The following ZDHHC11B variants were observed in gnomAD, a reference collection of about 807,000 sequenced individuals.
ZDHHC11B encodes probable palmitoyltransferase ZDHHC11B.
Under a neutral mutation model 42.3 loss-of-function variants are expected in ZDHHC11B, and 17 were observed. The observed-to-expected ratio is 0.40, with a 90% CI of 0.27 to 0.60. The LOEUF is 0.60. Among genes scored for constraint, ZDHHC11B ranks in the 20% least tolerant of loss-of-function variants. The probability of loss-of-function intolerance (pLI) is 0.41; values close to 1 mark genes in which losing one functional copy is unlikely to be tolerated. For missense variants in ZDHHC11B, 262 were observed against 463.2 expected, an observed-to-expected ratio of 0.57 and a Z score of 3.99; for synonymous variants, 123 against 193.5, an observed-to-expected ratio of 0.64 and a Z score of 3.02.
chr5:715,776 C>A (rs1212669404), intron 13 of ZDHHC11B, among the ~76,000 whole-genome samples: 1 of 151,430 alleles, frequency 6.6e-6, no homozygotes, highest in African/African-American at 2.4e-5. Flanking sequence ...TACACAGAAC[C>A]ATGAGTCCTG....
chr5:737,173 C>T (rs568063144), intron 10 of ZDHHC11B, among the ~76,000 whole-genome samples: 4 of 148,916 alleles, frequency 2.7e-5, no homozygotes, highest in South Asian at 4.5e-4. Flanking sequence ...CATTTAAGGC[C>T]AATATGAACA....
intron 12 of ZDHHC11B, among the ~76,000 whole-genome samples, chr5:727,278 G>C (rs1191831903): frequency 7.8e-6 from 1 of 128,414 alleles, no homozygotes; most frequent in Non-Finnish European, 1.8e-5. Flanking sequence ...AGCAAGGCAG[G>C]AACTTCCATC....
chr5:737,634 A>G (rs1193385887), intron 10 of ZDHHC11B, among the ~76,000 whole-genome samples: 1 of 149,734 alleles, frequency 6.7e-6, no homozygotes, highest in Non-Finnish European at 1.5e-5. Flanking sequence ...CCACGTATGC[A>G]GGAATGGTTT....
intron 1 of ZDHHC11B, among the ~76,000 whole-genome samples, chr5:772,980 G>A (rs1221785465): frequency 1.3e-5 from 2 of 151,916 alleles, no homozygotes; most frequent in Admixed American, 6.6e-5. Flanking sequence ...ACGATGTGCC[G>A]CTGTGGGAAG....
At position 766,745 on chromosome 5, in the gene ZDHHC11B, T is replaced by C; in HGVS notation, c.175A>G (p.Ile59Val). 12 of 1,612,032 alleles carry C rather than the reference T, an allele frequency of 7.4e-6. No homozygotes were observed. Among genetic ancestry groups the C allele is most frequent in the Non-Finnish European group, 1.0e-5 (12 of 1,178,954 alleles). The change falls in exon 4 of 14, where the codon ATC becomes GTC. Residue 59 changes from isoleucine (I) to valine (V), a missense_variant. By Grantham distance (29) the Ile-to-Val change is conservative. Around this residue, in one of 5 missense-constraint regions of ZDHHC11B, gnomAD observed 97 missense variants for 98.1 expected, o/e 0.99. Transcript: ENST00000508859. ...GAGTGAGGCAGGAGGGGAATGAAGA[T>C]CCTGAAGGTGGCCAAGGAAAGGCCA... ...FVGLSLATFRIFIPLLPHSWK... is the reference protein window; with the variant it reads ...FVGLSLATFRVFIPLLPHSWK...
intron 1 of ZDHHC11B, among the ~76,000 whole-genome samples, chr5:772,074 G>C (rs1316592570): frequency 6.6e-6 from 1 of 151,512 alleles, no homozygotes; most frequent in Non-Finnish European, 1.5e-5. Context: ...GTTGGGACAA[G>C]TGATAAACAA....
intron 12 of ZDHHC11B, among the ~76,000 whole-genome samples, chr5:721,472 G>A (rs1245336339): frequency 5.9e-5 from 9 of 151,402 alleles, no homozygotes. Flanking sequence ...AAGATGCTGA[G>A]TTAAAGGAGG....
At chr5:718,761 A>T (rs1197599914) in intron 12 of ZDHHC11B, among the ~76,000 whole-genome samples, 1 of 151,578 alleles carries the variant, frequency 6.6e-6, no homozygotes, top group Admixed American at 6.6e-5. Context: ...TGAATGGTGT[A>T]CATGAGCCAG....
intron 13 of ZDHHC11B, among the ~76,000 whole-genome samples, chr5:713,635 C>G (rs1173315454): frequency 6.6e-6 from 1 of 152,020 alleles, no homozygotes; most frequent in African/African-American, 2.4e-5. Flanking sequence ...TTCAGAATCA[C>G]TCTCTATTAA....
In ZDHHC11B at chr5:744,361, A is replaced by G. The variant is rs1487400914; in HGVS notation, c.900+822T>C. On this transcript the variant is annotated intron_variant, in intron 9 of 13. Coordinates refer to ENST00000508859, the MANE Select transcript of ZDHHC11B (RefSeq NM_001351303.2). The stretch of plus-strand genomic sequence containing the variant: ...TGCTTCCTTCTCTGTTTTCTGAAAG[A>G]GTCTGTGTGTAGGTTGTATTGTATT... Among the ~76,000 whole-genome samples the G allele has an allele frequency of 2.0e-5, 3 of 149,362 alleles. No individual in the cohort carries two copies. The East Asian group carries it at 6.2e-4, about 31-fold the overall frequency.
chr5:739,963 A>T (rs138421310), intron 10 of ZDHHC11B, among the ~76,000 whole-genome samples: 17,638 of 142,282 alleles, frequency 0.12, 142 homozygotes, highest in South Asian at 0.2. Flanking sequence ...AAGGAATGAA[A>T]TATCAGCACT....
rs573853683 is a variant in ZDHHC11B at position 775,612 on chromosome 5, G to A, written c.-229-6682C>T. Among the ~76,000 whole-genome samples, 23 of 151,820 alleles carry A rather than the reference G, an allele frequency of 1.5e-4. No individual in the cohort carries two copies. In the East Asian group the frequency reaches 3.1e-3, roughly 20 times the overall value. On this transcript the variant is annotated intron_variant, in intron 1 of 13. Transcript: ENST00000508859. ...GGCAGGAGCCGATGCTCGTGCCCTG[G>A]AGAACTCCCTGTTCAGGGATGACAA...
At chr5:754,709 G>A (rs1317865119) in intron 6 of ZDHHC11B, among the ~76,000 whole-genome samples, 8 of 110,684 alleles carry the variant, frequency 7.2e-5, no homozygotes, top group African/African-American at 2.3e-4. Context: ...CCCAGCCCAG[G>A]ACAGCGTGGT....
rs192498543 is a variant in ZDHHC11B at position 748,455 on chromosome 5, G to C, written c.733C>G (p.Leu245Val). 2.2e-6 allele frequency: 3 copies of C among 1,362,132 alleles called. No homozygotes were observed. The East Asian group carries it at 1.0e-4, about 47-fold the overall frequency. The allele number at this position is 1,362,132 out of a possible 1,614,324, so 84.4% of individuals were successfully genotyped here. Residue 245 changes from leucine (L) to valine (V), a missense_variant, in exon 8 of 14, where the codon CTT becomes GTT. Physicochemically the swap from Leu to Val is conservative, Grantham distance 32. Around this residue, in one of 5 missense-constraint regions of ZDHHC11B, gnomAD observed 57 missense variants for 103.3 expected, o/e 0.55. Transcript: ENST00000508859. Reference protein sequence around the residue: ...IIRMLVLLLDLLGLVQLGQLL... With the variant: ...IIRMLVLLLDVLGLVQLGQLL... ...TGGCCCAGCTGCACCAAGCCAAGAAGGTCCAGCAGGAGCACGAGCATCCTG... is the reference window on the plus strand; with the variant it reads ...TGGCCCAGCTGCACCAAGCCAAGAACGTCCAGCAGGAGCACGAGCATCCTG...
intron 8 of ZDHHC11B, chr5:747,810 AAAACGGCT>A: frequency 5.5e-6 from 1 of 180,198 alleles, no homozygotes; most frequent in South Asian, 1.5e-4. Context: ...CACCATGACC[AAAACGGCT>A]GGTGCCAGGA....
rs766663151 is a variant in ZDHHC11B at position 748,510 on chromosome 5, C to A, written c.678G>T (p.Val226=). Residue 226 remains valine, a synonymous_variant, in exon 8 of 14, where the codon GTG becomes GTT. Transcript: ENST00000508859. Reference sequence around the variant, plus strand: ...TCACGACTATCAGAGTCTGCACCTGCACCGGGAACAGGGGGAGGAACAGCA... The same window carrying A: ...TCACGACTATCAGAGTCTGCACCTGAACCGGGAACAGGGGGAGGAACAGCA... The part of the protein sequence containing the change: ...TWLLFLPLFP[V]QVQTLIVVII... 2 of 1,365,168 alleles carry A rather than the reference C, an allele frequency of 1.5e-6. No homozygotes were observed. Among genetic ancestry groups the A allele is most frequent in the East Asian group, 3.5e-5 (1 of 28,980 alleles). The allele number at this position is 1,365,168 out of a possible 1,614,324, so 84.6% of individuals were successfully genotyped here.
intron 12 of ZDHHC11B, among the ~76,000 whole-genome samples, chr5:729,550 GT>G (rs577285940): frequency 7.6e-5 from 1 of 13,106 alleles, no homozygotes; most frequent in East Asian, 7.9e-4. Context: ...CTGTGTGCGA[GT>G]GTGTGTGTGT....
Position 776,526 on chromosome 5 carries a change from A to C in ZDHHC11B, c.-229-7596T>G, listed in dbSNP as rs185234398. 8.8e-3 allele frequency among the ~76,000 whole-genome samples: 1,331 copies of C among 151,288 alleles called. 40 individuals carry two copies. The highest frequency in any genetic ancestry group is 0.03 in the African/African-American group (1,235 of 40,764). ...TGCAAGGCGCCTGCTGGGCCCACGC[A>C]GTGTGCTCCTGGCCTCAAACTGCCC... On this transcript the variant is annotated intron_variant, in intron 1 of 13. Coordinates refer to ENST00000508859, the MANE Select transcript of ZDHHC11B (RefSeq NM_001351303.2).
At chr5:722,694 A>C (rs563038765) in intron 12 of ZDHHC11B, among the ~76,000 whole-genome samples, 1 of 151,620 alleles carries the variant, frequency 6.6e-6, no homozygotes, top group East Asian at 1.9e-4. Context: ...ACAACAGGAG[A>C]TCTGTCAAGA....
Sources: allele counts gnomAD v4.1 joint callset (sites outside exome capture counted in the v4.1 genomes callset), GRCh38; gene constraint gnomAD v4.1.1; regional missense constraint gnomAD v4.1.1; transcripts MANE v1.5; gene names NCBI Gene and HGNC (gene_info 2026-07-23, HGNC 2026-07-21).